Variants in PTPRO observed in about 807,000 individuals in gnomAD.
The protein encoded by PTPRO is receptor-type tyrosine-protein phosphatase O.
A neutral mutation model predicts 145.2 loss-of-function variants in PTPRO; 62 were observed. The observed-to-expected ratio is 0.43, with a 90% CI of 0.35 to 0.53. The LOEUF (loss-of-function observed/expected upper bound fraction) is 0.53. PTPRO is among the 20% of genes least tolerant of loss of function. The pLI is 0.01. For missense variants in PTPRO, 1,345 were observed against 1,482.7 expected, an observed-to-expected ratio of 0.91 and a Z score of 1.53; for synonymous variants, 565 against 514.7, an observed-to-expected ratio of 1.10 and a Z score of -1.32.
intron 17 of PTPRO, among the ~76,000 whole-genome samples, chr12:15,563,698 A>G (rs529952853): frequency 5.0e-4 from 76 of 152,330 alleles, no homozygotes; most frequent in Non-Finnish European, 8.7e-4. Flanking sequence ...TCAAGTTTCT[A>G]CGCAGCTGCC....
At chr12:15,438,039 G>C (rs542625548) in intron 1 of PTPRO, among the ~76,000 whole-genome samples, 4 of 152,318 alleles carry the variant, frequency 2.6e-5, no homozygotes, top group African/African-American at 9.6e-5. Flanking sequence ...CTACAGGCTT[G>C]TAGGACAAAC....
At chr12:15,397,311 T>C (rs940089926) in intron 1 of PTPRO, among the ~76,000 whole-genome samples, 27 of 152,204 alleles carry the variant, frequency 1.8e-4, no homozygotes, top group Non-Finnish European at 1.9e-4. Flanking sequence ...CACTGTGAAA[T>C]ATGCTTTCAC....
chr12:15,340,858 C>A lies in PTPRO; in HGVS notation c.75+18057C>A, dbSNP rs1359398138. Among the ~76,000 whole-genome samples the A allele has an allele frequency of 2.0e-5, 3 of 152,170 alleles. No homozygotes were observed. The East Asian group carries it at 5.8e-4, about 29-fold the overall frequency. The stretch of plus-strand genomic sequence containing the variant: ...TACCACCAGACAACAACAATTTTAA[C>A]ACTAATGTCTTCCTTTTGATTACAT... On this transcript the variant is annotated intron_variant, in intron 1 of 26. Coordinates refer to ENST00000281171, the MANE Select transcript of PTPRO (RefSeq NM_030667.3).
intron 14 of PTPRO, among the ~76,000 whole-genome samples, chr12:15,550,046 C>T (rs1008282726): frequency 1.3e-5 from 2 of 151,988 alleles, no homozygotes; most frequent in African/African-American, 2.4e-5. Context: ...ATACAGTTGA[C>T]GATGAATAAT....
At chr12:15,569,057 C>A (rs142428873) in intron 18 of PTPRO, among the ~76,000 whole-genome samples, 1 of 152,138 alleles carries the variant, frequency 6.6e-6, no homozygotes, top group Non-Finnish European at 1.5e-5. Flanking sequence ...ATAACTCAAA[C>A]AGGTCTTTGG....
intron 1 of PTPRO, among the ~76,000 whole-genome samples, chr12:15,427,649 G>A (rs561427652): frequency 3.3e-5 from 5 of 151,684 alleles, no homozygotes; most frequent in Admixed American, 6.6e-5. Context: ...TTTAAATTAA[G>A]AATCTTTTTA....
intron 12 of PTPRO, among the ~76,000 whole-genome samples, chr12:15,539,047 A>G (rs927383349): frequency 1.3e-5 from 2 of 152,154 alleles, no homozygotes; most frequent in Non-Finnish European, 2.9e-5. Context: ...ATTTTGCAAT[A>G]TATGACTCCT....
At chr12:15,327,344 T>G (rs1866473851) in intron 1 of PTPRO, among the ~76,000 whole-genome samples, 1 of 152,150 alleles carries the variant, frequency 6.6e-6, no homozygotes, top group East Asian at 1.9e-4. Flanking sequence ...TAGGGGAAAT[T>G]GATTTTTTTA....
intron 1 of PTPRO, among the ~76,000 whole-genome samples, chr12:15,444,134 T>C (rs1940841484): frequency 6.6e-6 from 1 of 152,082 alleles, no homozygotes; most frequent in Non-Finnish European, 1.5e-5. Flanking sequence ...ACATATAGAC[T>C]ATGGAATACT....
intron 25 of PTPRO, among the ~76,000 whole-genome samples, chr12:15,592,765 A>C (rs917482573): frequency 1.2e-4 from 18 of 152,236 alleles, no homozygotes; most frequent in African/African-American, 4.3e-4. Flanking sequence ...ATGGGAAATA[A>C]TATAACCTAG....
intron 12 of PTPRO, among the ~76,000 whole-genome samples, chr12:15,538,821 GAGGTGTGGATCCC>G (rs1454647717): frequency 6.6e-6 from 1 of 152,218 alleles, no homozygotes; most frequent in African/African-American, 2.4e-5. Context: ...TAGGAGTCCA[GAGGTGTGGATCCC>G]AGTTCTTGCC....
Position 15,589,645 on chromosome 12 carries a change from C to A in PTPRO, c.3546+55C>A. On this transcript the variant is annotated intron_variant, in intron 25 of 26. Transcript: ENST00000281171. Reference sequence around the variant, plus strand: ...ATTTTCCCTGGACTGAAAAACTTACCATTATTCAATGATATGCTTCAAAAC... The same window carrying A: ...ATTTTCCCTGGACTGAAAAACTTACAATTATTCAATGATATGCTTCAAAAC... 11 of 1,592,646 alleles carry A rather than the reference C, an allele frequency of 6.9e-6. No individual in the cohort carries two copies. In the South Asian group the frequency reaches 1.1e-4, roughly 16 times the overall value.
At position 15,444,602 on chromosome 12, in the gene PTPRO, C is replaced by T. The variant is rs571668776; in HGVS notation, c.76-39372C>T. Reference sequence around the variant, plus strand: ...CCCTCCCCCGCCCAAATTTGTTTGCCGAAACGTAATCCCCAATGTGACAAT... The same window carrying T: ...CCCTCCCCCGCCCAAATTTGTTTGCTGAAACGTAATCCCCAATGTGACAAT... On this transcript the variant is annotated intron_variant, in intron 1 of 26. Coordinates refer to ENST00000281171, the MANE Select transcript of PTPRO (RefSeq NM_030667.3). Among the ~76,000 whole-genome samples, 220 of 152,034 alleles carry T rather than the reference C, an allele frequency of 1.4e-3. 1 individual carries two copies. The highest frequency in any genetic ancestry group is 2.3e-3 in the Non-Finnish European group (159 of 67,974).
chr12:15,554,343 G>A (rs112555365), intron 15 of PTPRO, among the ~76,000 whole-genome samples: 1 of 151,946 alleles, frequency 6.6e-6, no homozygotes, highest in African/African-American at 2.4e-5. Flanking sequence ...TCTCTAGAGG[G>A]TCAAAACTAA....
At chr12:15,582,455 T>C (rs1308266997) in intron 23 of PTPRO, among the ~76,000 whole-genome samples, 1 of 152,234 alleles carries the variant, frequency 6.6e-6, no homozygotes, top group Non-Finnish European at 1.5e-5. Context: ...TTGTTTCCCA[T>C]TTCATCAGTG....
In PTPRO at chr12:15,464,928, A is replaced by T. The variant is rs1323590335; in HGVS notation, c.76-19046A>T. The stretch of plus-strand genomic sequence containing the variant: ...TTTTCTAATAATAAAAATCATTTTT[A>T]AAAATTATTTTAATGATGCTAAATT... On this transcript the variant is annotated intron_variant, in intron 1 of 26. Coordinates refer to ENST00000281171, the MANE Select transcript of PTPRO (RefSeq NM_030667.3). 2.6e-5 allele frequency among the ~76,000 whole-genome samples: 4 copies of T among 152,228 alleles called. No homozygotes were observed. The South Asian group carries it at 6.2e-4, about 24-fold the overall frequency.
At chr12:15,389,577 CAATAGAGTAAATTGCTGTT>C (rs1350503176) in intron 1 of PTPRO, among the ~76,000 whole-genome samples, 1 of 152,120 alleles carries the variant, frequency 6.6e-6, no homozygotes, top group African/African-American at 2.4e-5. Context: ...ATATTGCTGT[CAATAGAGTAAATTGCTGTT>C]ATCCATTTAA....
At chr12:15,525,002 A>G in intron 11 of PTPRO, 37 bp downstream of exon 11, 2 of 1,609,554 alleles carry the variant, frequency 1.2e-6, no homozygotes, top group Non-Finnish European at 1.7e-6. Flanking sequence ...TGTGTCTGTA[A>G]ATTTAGTTTT....
chr12:15,581,886 G>A, intron 23 of PTPRO, 85 bp downstream of exon 23: 1 of 1,557,554 alleles, frequency 6.4e-7, no homozygotes, highest in African/African-American at 1.4e-5. Context: ...TAACCCAGCG[G>A]CGCTAGAGGA....
Sources: allele counts gnomAD v4.1 joint callset (sites outside exome capture counted in the v4.1 genomes callset), GRCh38; gene constraint gnomAD v4.1.1; transcripts MANE v1.5; gene names NCBI Gene and HGNC (gene_info 2026-07-23, HGNC 2026-07-21).